The following OR51B5 variants were observed in gnomAD, a reference collection of about 807,000 sequenced individuals.
OR51B5 encodes the protein olfactory receptor 51B5.
For synonymous variants in OR51B5, 186 were observed against 144.8 expected (o/e 1.28, Z -2.04); for missense variants, 456 against 374.6 (o/e 1.22, Z -1.79).
intron 1 of OR51B5, among the ~76,000 whole-genome samples, chr11:5,480,601 A>G (rs946581722): frequency 1.3e-5 from 2 of 152,078 alleles, no homozygotes; most frequent in East Asian, 1.9e-4. Flanking sequence ...TAAAATTGAT[A>G]GACCGCTAGC....
intron 1 of OR51B5, chr11:5,389,640 C>A: frequency 6.2e-7 from 1 of 1,613,732 alleles, no homozygotes; most frequent in Non-Finnish European, 8.5e-7. Flanking sequence ...CTGGCCCTCA[C>A]TGACCTGGGG....
intron 1 of OR51B5, among the ~76,000 whole-genome samples, chr11:5,462,076 A>C (rs12577995): frequency 0.31 from 46,439 of 152,082 alleles, 7,245 homozygotes; most frequent in East Asian, 0.43. Context: ...AAAATCAAAT[A>C]CTGAACATAG....
At chr11:5,432,466 G>C (rs1163985492) in intron 1 of OR51B5, among the ~76,000 whole-genome samples, 1 of 152,084 alleles carries the variant, frequency 6.6e-6, no homozygotes, top group African/African-American at 2.4e-5. Context: ...TTTAACTTGT[G>C]ACATGAATGT....
chr11:5,386,548 T>C (rs1303075160), intron 1 of OR51B5, among the ~76,000 whole-genome samples: 2 of 152,176 alleles, frequency 1.3e-5, no homozygotes, highest in African/African-American at 4.8e-5. Flanking sequence ...ACAGATCTTT[T>C]ACAAGTTTGA....
chr11:5,424,465 G>A (rs557125336), intron 1 of OR51B5, among the ~76,000 whole-genome samples: 1 of 152,182 alleles, frequency 6.6e-6, no homozygotes, highest in African/African-American at 2.4e-5. Context: ...GAAGAGGAGA[G>A]GCCAGGATCT....
rs551283463 is a variant in OR51B5 at position 5,452,280 on chromosome 11, G to A, written n.84+53289C>T. On this transcript the variant is annotated intron_variant and non_coding_transcript_variant, in intron 1 of 4. Coordinates refer to the OR51B5 transcript ENST00000415970. ...AGCACTTTGGGAGGCCAAGGCAGGCGGATCACGAGGTCAGGAGATCGAGAT... is the reference window on the plus strand; with the variant it reads ...AGCACTTTGGGAGGCCAAGGCAGGCAGATCACGAGGTCAGGAGATCGAGAT... Among the ~76,000 whole-genome samples, 23 of 152,142 alleles carry A rather than the reference G, an allele frequency of 1.5e-4. 1 individual carries two copies. Among genetic ancestry groups the A allele is most frequent in the Admixed American group, 8.5e-4 (13 of 15,302 alleles).
chr11:5,396,901 C>G (rs1422172151), intron 1 of OR51B5, among the ~76,000 whole-genome samples: 1 of 152,064 alleles, frequency 6.6e-6, no homozygotes, highest in African/African-American at 2.4e-5. Context: ...ATAATGCTGT[C>G]TATCTACAAC....
Position 5,351,672 on chromosome 11 carries a change from G to A in OR51B5, n.85-4762C>T, listed in dbSNP as rs1441612512. On this transcript the variant is annotated intron_variant and non_coding_transcript_variant, in intron 1 of 4. Coordinates refer to the OR51B5 transcript ENST00000415970. ...TCAGGAATGATCATAACCTCCATGA[G>A]CCCATGTACTATTTCTTAGCTATGT... 1.9e-6 allele frequency: 3 copies of A among 1,614,086 alleles called. No homozygotes were observed. In the South Asian group the frequency reaches 3.3e-5, roughly 18 times the overall value.
At chr11:5,388,701 C>G (rs1335289352) in intron 1 of OR51B5, among the ~76,000 whole-genome samples, 2 of 151,386 alleles carry the variant, frequency 1.3e-5, no homozygotes, top group Non-Finnish European at 3.0e-5. Flanking sequence ...TCATTAAAAA[C>G]TTGTTTATGT....
chr11:5,477,000 C>G (rs1420647477), intron 1 of OR51B5, among the ~76,000 whole-genome samples: 1 of 152,110 alleles, frequency 6.6e-6, no homozygotes, highest in Non-Finnish European at 1.5e-5. Flanking sequence ...AAAATAATGC[C>G]TATAGTTAAC....
At position 5,364,550 on chromosome 11, in the gene OR51B5, T is replaced by C. The variant is rs76182421; in HGVS notation, n.85-17640A>G. ...TTTAAGCACAGTGCTTTGAAGAGAG[T>C]AGGAGCTTAAAAAATATTCTGTATT... On this transcript the variant is annotated intron_variant and non_coding_transcript_variant, in intron 1 of 4. Coordinates refer to the OR51B5 transcript ENST00000415970. 6.0e-3 allele frequency among the ~76,000 whole-genome samples: 917 copies of C among 152,262 alleles called. 14 individuals carry two copies. The highest frequency in any genetic ancestry group is 0.02 in the African/African-American group (837 of 41,542).
intron 1 of OR51B5, among the ~76,000 whole-genome samples, chr11:5,359,916 G>T (rs1342749940): frequency 6.6e-6 from 1 of 152,158 alleles, no homozygotes; most frequent in Non-Finnish European, 1.5e-5. Flanking sequence ...TTTAATAAAT[G>T]GTGCTGGGAA....
chr11:5,467,838 T>C (rs1226204259), intron 1 of OR51B5, among the ~76,000 whole-genome samples: 1 of 152,204 alleles, frequency 6.6e-6, no homozygotes, highest in African/African-American at 2.4e-5. Context: ...TAGGCTTCGA[T>C]TTGGAGTGTT....
At chr11:5,352,971 G>A (rs1849125512) in intron 1 of OR51B5, among the ~76,000 whole-genome samples, 1 of 150,634 alleles carries the variant, frequency 6.6e-6, no homozygotes, top group Non-Finnish European at 1.5e-5. Flanking sequence ...TTCAGTCAAT[G>A]CCCATTGCTC....
intron 1 of OR51B5, chr11:5,403,665 G>A (rs1266661529): frequency 2.6e-6 from 1 of 377,558 alleles, no homozygotes; most frequent in Non-Finnish European, 5.3e-6. Context: ...CGTCTAACAG[G>A]AAGTTCTCTA....
At chr11:5,418,637 C>G (rs1033509786) in intron 1 of OR51B5, among the ~76,000 whole-genome samples, 1 of 151,490 alleles carries the variant, frequency 6.6e-6, no homozygotes, top group Non-Finnish European at 1.5e-5. Flanking sequence ...GACAGAAAAC[C>G]AAACACCACA....
At chr11:5,351,549 C>T (rs1849086778) in intron 1 of OR51B5, 2 of 1,613,664 alleles carry the variant, frequency 1.2e-6, no homozygotes, top group East Asian at 2.2e-5. Flanking sequence ...AGCTTACTGG[C>T]TTCCCAGGCA....
intron 1 of OR51B5, among the ~76,000 whole-genome samples, chr11:5,480,271 G>A (rs1185626434): frequency 5.3e-5 from 8 of 150,550 alleles, no homozygotes; most frequent in Non-Finnish European, 8.9e-5. Flanking sequence ...GATACATAAC[G>A]AAATGAAGGC....
At chr11:5,431,973 G>A (rs544998462) in intron 1 of OR51B5, among the ~76,000 whole-genome samples, 5 of 152,106 alleles carry the variant, frequency 3.3e-5, no homozygotes, top group Admixed American at 6.5e-5. Flanking sequence ...TCGTCAAGTC[G>A]AAGTACTTAG....
Sources: gnomAD v4.1 joint callset for allele counts (sites outside exome capture counted in the v4.1 genomes callset) on GRCh38, gnomAD v4.1.1 for gene constraint, MANE v1.5 for transcripts, NCBI Gene and HGNC (gene_info 2026-07-23, HGNC 2026-07-21) for gene names.